Variants in BACH2 observed in about 807,000 individuals in gnomAD.
The protein encoded by BACH2 is transcription regulator protein BACH2.
A neutral mutation model predicts 61.8 loss-of-function variants in BACH2; 5 were observed. The observed-to-expected ratio is 0.08, with a 90% CI of 0.04 to 0.17. The LOEUF (loss-of-function observed/expected upper bound fraction) is 0.17, where lower values mean the gene tolerates loss of function less well. Ranked by LOEUF, BACH2 falls within the 10% of genes least tolerant of loss-of-function variation. The pLI is 1.00. For synonymous variants in BACH2, 446 were observed against 440.1 expected (o/e 1.01, Z -0.17); for missense variants, 824 against 1,091.1 (o/e 0.76, Z 3.45).
chr6:90,283,210 TCTGG>T (rs568345149), intron 1 of BACH2, among the ~76,000 whole-genome samples: 43 of 152,332 alleles, frequency 2.8e-4, no homozygotes, highest in African/African-American at 1.0e-3. Context: ...TTTTTGGTTA[TCTGG>T]CTTTTTTATT....
intron 5 of BACH2, among the ~76,000 whole-genome samples, chr6:90,059,355 C>T (rs1780554778): frequency 6.6e-6 from 1 of 152,152 alleles, no homozygotes; most frequent in African/African-American, 2.4e-5. Flanking sequence ...ATTTATGCAG[C>T]CAAAAGACAC....
chr6:90,022,813 A>G (rs1171016450), intron 5 of BACH2, among the ~76,000 whole-genome samples: 4 of 152,220 alleles, frequency 2.6e-5, no homozygotes, highest in Non-Finnish European at 5.9e-5. Context: ...GTTTGGCATT[A>G]TCTAGCAAAG....
rs767244568 is a variant in BACH2, at chr6:90,226,734, T to C, written c.-274-20053A>G. 4.5e-4 allele frequency among the ~76,000 whole-genome samples: 69 copies of C among 152,076 alleles called. 3 individuals carry two copies. The highest frequency in any genetic ancestry group is 2.4e-4 in the Non-Finnish European group (16 of 68,014). ...TAAGAGGCAGGGTCTCACTCTGTCA[T>C]CCAGGCTGGAGGGCAATGGTGCAAT... On this transcript the variant is annotated intron_variant, in intron 3 of 8. Transcript: ENST00000257749.
intron 4 of BACH2, among the ~76,000 whole-genome samples, chr6:90,129,602 G>A (rs898936197): frequency 2.6e-5 from 4 of 152,150 alleles, no homozygotes; most frequent in Non-Finnish European, 5.9e-5. Context: ...CATGAGGATG[G>A]AATGTTTTTC....
At chr6:90,114,455 A>G (rs956051498) in intron 4 of BACH2, among the ~76,000 whole-genome samples, 9 of 152,346 alleles carry the variant, frequency 5.9e-5, no homozygotes, top group Admixed American at 5.9e-4. Context: ...GGCTTTTGAT[A>G]AAATTCAACA....
chr6:90,150,644 T>C (rs1299529802), intron 4 of BACH2, among the ~76,000 whole-genome samples: 3 of 152,096 alleles, frequency 2.0e-5, no homozygotes, highest in African/African-American at 7.2e-5. Context: ...GAGGATAGGC[T>C]GTGAAGTGTC....
At chr6:89,996,498 C>A (rs16882337) in intron 6 of BACH2, among the ~76,000 whole-genome samples, 1 of 152,100 alleles carries the variant, frequency 6.6e-6, no homozygotes, top group East Asian at 1.9e-4. Flanking sequence ...AGTAAGGCCC[C>A]ATGTAGTGAG....
intron 4 of BACH2, among the ~76,000 whole-genome samples, chr6:90,144,225 T>C (rs954043411): frequency 3.9e-5 from 6 of 152,254 alleles, no homozygotes; most frequent in African/African-American, 1.4e-4. Context: ...CCACATCTGT[T>C]AATTGTGTAC....
chr6:90,220,853 T>G (rs1769713716), intron 3 of BACH2, among the ~76,000 whole-genome samples: 1 of 152,222 alleles, frequency 6.6e-6, no homozygotes, highest in Non-Finnish European at 1.5e-5. Context: ...CATAGTTAAC[T>G]ACCTGGTTTT....
chr6:89,939,816 T>C (rs1773302423), intron 7 of BACH2, among the ~76,000 whole-genome samples: 1 of 134,788 alleles, frequency 7.4e-6, no homozygotes, highest in Non-Finnish European at 1.6e-5. Context: ...CCTGCCCAGT[T>C]AATTAAATTT....
At chr6:89,980,768 A>G (rs1252473608) in intron 6 of BACH2, among the ~76,000 whole-genome samples, 3 of 152,176 alleles carry the variant, frequency 2.0e-5, no homozygotes, top group Non-Finnish European at 2.9e-5. Context: ...TTATTTCTTA[A>G]TATCATAGGA....
intron 6 of BACH2, among the ~76,000 whole-genome samples, chr6:89,979,311 A>G (rs12664541): frequency 0.13 from 20,264 of 152,220 alleles, 1,390 homozygotes; most frequent in Non-Finnish European, 0.15. Context: ...TTTATTTGAC[A>G]AACATTCACC....
intron 4 of BACH2, among the ~76,000 whole-genome samples, chr6:90,155,729 C>T (rs951246866): frequency 2.0e-5 from 3 of 152,164 alleles, no homozygotes; most frequent in African/African-American, 4.8e-5. Flanking sequence ...CTAGCAATTA[C>T]CACCTTCTAA....
chr6:90,054,627 G>A (rs1780231009), intron 5 of BACH2, among the ~76,000 whole-genome samples: 1 of 152,192 alleles, frequency 6.6e-6, no homozygotes, highest in Non-Finnish European at 1.5e-5. Context: ...AGAGAGTAGT[G>A]GTTCTCCCAG....
In BACH2 at chr6:90,109,330, G is replaced by A. The variant is rs1242464439; in HGVS notation, c.-161-20221C>T. 2.0e-5 allele frequency among the ~76,000 whole-genome samples: 3 copies of A among 152,060 alleles called. No individual in the cohort carries two copies. In the East Asian group the frequency reaches 5.8e-4, roughly 29 times the overall value. The stretch of plus-strand genomic sequence containing the variant: ...GAAACCACTTCTTCTTGTGGCTTCA[G>A]GGGCACCACACTGTCCTGGCTTCTC... On this transcript the variant is annotated intron_variant, in intron 4 of 8. Transcript: ENST00000257749.
At chr6:90,122,252 G>A (rs973128176) in intron 4 of BACH2, among the ~76,000 whole-genome samples, 8 of 152,206 alleles carry the variant, frequency 5.3e-5, no homozygotes, top group Admixed American at 1.3e-4. Context: ...CATCGGCAAA[G>A]TATTTTTGAG....
At chr6:90,145,546 G>C (rs1166204654) in intron 4 of BACH2, among the ~76,000 whole-genome samples, 1 of 152,146 alleles carries the variant, frequency 6.6e-6, no homozygotes, top group Non-Finnish European at 1.5e-5. Context: ...GTTTAAAATA[G>C]GATCAAAGCT....
chr6:90,011,417 TG>T (rs1458360833), intron 5 of BACH2, among the ~76,000 whole-genome samples: 3 of 152,226 alleles, frequency 2.0e-5, no homozygotes, highest in African/African-American at 7.2e-5. Flanking sequence ...TGTCTACTTT[TG>T]TTTTTTTTGG....
At chr6:90,220,826 T>C (rs1196527395) in intron 3 of BACH2, among the ~76,000 whole-genome samples, 6 of 152,222 alleles carry the variant, frequency 3.9e-5, no homozygotes, top group Admixed American at 3.3e-4. Context: ...ATTAGCAATT[T>C]AAAACTTCAG....
Sources: gnomAD v4.1 joint callset for allele counts (sites outside exome capture counted in the v4.1 genomes callset) on GRCh38, gnomAD v4.1.1 for gene constraint, MANE v1.5 for transcripts, NCBI Gene and HGNC (gene_info 2026-07-23, HGNC 2026-07-21) for gene names.